Variants in PRMT8 observed in about 807,000 individuals in gnomAD.
PRMT8 encodes protein arginine N-methyltransferase 8.
PRMT8 carries 7 observed loss-of-function variants against 47.1 expected under a neutral mutation model. The observed-to-expected ratio is 0.15, with a 90% CI of 0.08 to 0.28. The LOEUF (loss-of-function observed/expected upper bound fraction) is 0.28. Among genes scored for constraint, PRMT8 ranks in the 10% least tolerant of loss-of-function variants. The pLI is 1.00. For synonymous variants in PRMT8, 188 were observed against 186.5 expected (o/e 1.01, Z -0.07); for missense variants, 237 against 505.4 (o/e 0.47, Z 5.09).
chr12:3,510,686 G>A (rs1374684233), intron 1 of PRMT8, among the ~76,000 whole-genome samples: 2 of 152,186 alleles, frequency 1.3e-5, no homozygotes, highest in African/African-American at 4.8e-5. Context: ...AGCTCCAGTG[G>A]CTTTTCTTGG....
intron 4 of PRMT8, among the ~76,000 whole-genome samples, chr12:3,565,695 A>G (rs1866707900): frequency 6.6e-6 from 1 of 152,192 alleles, no homozygotes; most frequent in Non-Finnish European, 1.5e-5. Flanking sequence ...TGTCTTCTAT[A>G]TCGTCTGTCT....
intron 1 of PRMT8, among the ~76,000 whole-genome samples, chr12:3,458,955 G>A (rs773022319): frequency 2.6e-5 from 4 of 152,180 alleles, no homozygotes; most frequent in Non-Finnish European, 4.4e-5. Context: ...GGCCTCATCG[G>A]GTTGGCACTT....
intron 1 of PRMT8, among the ~76,000 whole-genome samples, chr12:3,465,240 T>A (rs1337534480): frequency 6.5e-5 from 9 of 139,008 alleles, no homozygotes; most frequent in African/African-American, 1.8e-4. Flanking sequence ...ATATATATAT[T>A]TTTATATAAA....
chr12:3,403,189 C>T (rs760162017), intron 1 of PRMT8, among the ~76,000 whole-genome samples: 2 of 152,078 alleles, frequency 1.3e-5, no homozygotes, highest in Non-Finnish European at 2.9e-5. Context: ...GAGGTGGAAG[C>T]CATTTTCCTC....
intron 1 of PRMT8, among the ~76,000 whole-genome samples, chr12:3,420,267 A>G (rs1864527588): frequency 6.6e-6 from 1 of 151,990 alleles, no homozygotes; most frequent in Non-Finnish European, 1.5e-5. Context: ...ACCCATAACA[A>G]GTGGGACATT....
chr12:3,569,443 T>A lies in PRMT8; in HGVS notation c.625-34T>A. On this transcript the variant is annotated intron_variant, in intron 5 of 9. Transcript: ENST00000382622. This position sits in a 1 kb window ranked among gnomAD's most constrained non-coding sequence, Gnocchi z 8.2. Reference sequence around the variant, plus strand: ...GTGATGTCTTTGTCAGGTGAATAGATTACGAGACCCATTTCCCCACAATTC... The same window carrying A: ...GTGATGTCTTTGTCAGGTGAATAGAATACGAGACCCATTTCCCCACAATTC... The A allele has an allele frequency of 6.4e-7, 1 of 1,562,218 alleles. No individual in the cohort carries two copies. Among genetic ancestry groups the A allele is most frequent in the Non-Finnish European group, 8.8e-7 (1 of 1,132,736 alleles).
chr12:3,497,944 G>C (rs1338562810), intron 1 of PRMT8, among the ~76,000 whole-genome samples: 1 of 152,180 alleles, frequency 6.6e-6, no homozygotes, highest in Non-Finnish European at 1.5e-5. Context: ...AGATCCTGTG[G>C]ACTCCTGGGT....
chr12:3,513,321 G>A (rs1865741286), intron 1 of PRMT8, among the ~76,000 whole-genome samples: 1 of 152,162 alleles, frequency 6.6e-6, no homozygotes. Flanking sequence ...CCTCTTTGCA[G>A]ACCCCTGACA....
chr12:3,533,379 G>A (rs528572124), intron 1 of PRMT8, among the ~76,000 whole-genome samples: 2 of 152,266 alleles, frequency 1.3e-5, no homozygotes, highest in East Asian at 1.9e-4. Context: ...CCTGCACACC[G>A]CCCAGGATGG....
intron 1 of PRMT8, among the ~76,000 whole-genome samples, chr12:3,430,145 G>A (rs1864658784): frequency 6.6e-6 from 1 of 152,216 alleles, no homozygotes; most frequent in Non-Finnish European, 1.5e-5. Context: ...CAGTATGAAA[G>A]GGTCGTAATT....
At chr12:3,452,167 C>A (rs1864925094) in intron 1 of PRMT8, among the ~76,000 whole-genome samples, 1 of 152,060 alleles carries the variant, frequency 6.6e-6, no homozygotes. Context: ...TCCTTGAGGA[C>A]AGAGGGTGGG....
At chr12:3,426,116 A>T (rs1864601885) in intron 1 of PRMT8, among the ~76,000 whole-genome samples, 1 of 152,216 alleles carries the variant, frequency 6.6e-6, no homozygotes, top group Non-Finnish European at 1.5e-5. Context: ...ATCTTGGAAA[A>T]GAGCTACCAT....
intron 1 of PRMT8, among the ~76,000 whole-genome samples, chr12:3,459,865 T>C (rs947879556): frequency 1.3e-5 from 2 of 152,124 alleles, no homozygotes; most frequent in African/African-American, 4.8e-5. Flanking sequence ...CGGAATCTCT[T>C]AGTCCCTCTT....
Position 3,570,650 on chromosome 12 carries a change from G to A in PRMT8, c.712+1086G>A, listed in dbSNP as rs750549636. ...TTTAAACAATTGCCATCTAATCGTC[G>A]TTAGTGGCACTGATGAAAACTCGGC... On this transcript the variant is annotated intron_variant, in intron 6 of 9. Transcript: ENST00000382622. This position sits in a 1 kb window ranked among gnomAD's most constrained non-coding sequence, Gnocchi z 5.5. 4.6e-5 allele frequency among the ~76,000 whole-genome samples: 7 copies of A among 152,202 alleles called. No homozygotes were observed. Among genetic ancestry groups the A allele is most frequent in the Non-Finnish European group, 1.0e-4 (7 of 68,038 alleles).
intron 7 of PRMT8, among the ~76,000 whole-genome samples, chr12:3,579,836 G>A (rs1027954117): frequency 6.6e-6 from 1 of 152,184 alleles, no homozygotes; most frequent in African/African-American, 2.4e-5. Context: ...GGGGATCGCA[G>A]CGGCCAGGGG....
intron 1 of PRMT8, among the ~76,000 whole-genome samples, chr12:3,393,320 T>A (rs2137046729): frequency 6.7e-6 from 1 of 149,188 alleles, no homozygotes; most frequent in African/African-American, 2.5e-5. Flanking sequence ...ATGCCTAGGT[T>A]TTCTTCTAGG....
At chr12:3,533,724 G>A (rs758120917) in intron 1 of PRMT8, among the ~76,000 whole-genome samples, 4 of 152,230 alleles carry the variant, frequency 2.6e-5, no homozygotes, top group Non-Finnish European at 5.9e-5. Flanking sequence ...GGTGCATGTA[G>A]GGCTGTCTTG....
At chr12:3,465,215 TTTTATAAATATAAAATATATATA>T (rs1865084662) in intron 1 of PRMT8, among the ~76,000 whole-genome samples, 3 of 144,558 alleles carry the variant, frequency 2.1e-5, no homozygotes, top group East Asian at 2.0e-4. Context: ...TTTATATATA[TTTTATAAATATAAAATATATATA>T]TTTTTATATA....
intron 8 of PRMT8, among the ~76,000 whole-genome samples, chr12:3,585,685 A>T (rs1199125800): frequency 6.6e-6 from 1 of 151,982 alleles, no homozygotes; most frequent in Non-Finnish European, 1.5e-5. Context: ...GATTACTAAG[A>T]TTGGGACTTT....
Sources: allele counts gnomAD v4.1 joint callset (sites outside exome capture counted in the v4.1 genomes callset), GRCh38; gene constraint gnomAD v4.1.1; non-coding constraint Gnocchi (gnomAD v3.1); transcripts MANE v1.5; gene names NCBI Gene and HGNC (gene_info 2026-07-23, HGNC 2026-07-21).